Variants in CEP70 observed in about 807,000 individuals in gnomAD.
The protein encoded by CEP70 is centrosomal protein of 70 kDa.
CEP70 carries 70 observed loss-of-function variants against 90.9 expected under a neutral mutation model. That is an observed-to-expected ratio of 0.77 (90% CI 0.64 to 0.94). The LOEUF is 0.94. Among genes scored for constraint, CEP70 ranks in the 40% least tolerant of loss-of-function variants. The pLI, the probability that CEP70 is intolerant of heterozygous loss-of-function variation, is 0.00. For synonymous variants in CEP70, 220 were observed against 228.3 expected (o/e 0.96, Z 0.33); for missense variants, 648 against 669.0 (o/e 0.97, Z 0.35).
At chr3:138,527,990 T>C (rs962612255) in intron 10 of CEP70, among the ~76,000 whole-genome samples, 2 of 143,190 alleles carry the variant, frequency 1.4e-5, no homozygotes, top group African/African-American at 5.1e-5. Flanking sequence ...CAATTGTAAC[T>C]CAATAAAGCT....
At chr3:138,585,565 A>C (rs556659868) in intron 2 of CEP70, among the ~76,000 whole-genome samples, 43 of 152,332 alleles carry the variant, frequency 2.8e-4, no homozygotes, top group Non-Finnish European at 6.0e-4. Flanking sequence ...AAAGCACAAA[A>C]GACCCAGAAT....
intron 10 of CEP70, among the ~76,000 whole-genome samples, chr3:138,525,787 C>G (rs144595685): frequency 5.9e-5 from 9 of 152,248 alleles, no homozygotes; most frequent in Non-Finnish European, 8.8e-5. Context: ...TGCTGCTAAT[C>G]TGTTACTTGT....
Position 138,500,586 on chromosome 3 carries a change from A to C in CEP70, c.1369-19T>G. 1 of 1,567,094 alleles carries C rather than the reference A, an allele frequency of 6.4e-7. No homozygotes were observed. On this transcript the variant is annotated intron_variant, in intron 14 of 17. Coordinates refer to ENST00000264982, the MANE Select transcript of CEP70 (RefSeq NM_024491.4). ...TGCTGTCCTGTCCAAAAAAGAGGTA[A>C]AAAAGAAAGAGTTCATTATCTTAAA...
At chr3:138,559,053 A>G (rs1205355314) in intron 6 of CEP70, among the ~76,000 whole-genome samples, 2 of 152,258 alleles carry the variant, frequency 1.3e-5, no homozygotes, top group Non-Finnish European at 2.9e-5. Flanking sequence ...AGATTTTAAA[A>G]TAAGTAAATT....
intron 11 of CEP70, among the ~76,000 whole-genome samples, chr3:138,518,893 G>T (rs2036324299): frequency 1.3e-5 from 2 of 152,124 alleles, no homozygotes; most frequent in Non-Finnish European, 2.9e-5. Context: ...CGAGCTAAAG[G>T]AGGAAGTTTG....
chr3:138,516,284 T>C (rs536914374), intron 11 of CEP70, among the ~76,000 whole-genome samples: 2 of 152,310 alleles, frequency 1.3e-5, no homozygotes, highest in South Asian at 2.1e-4. Context: ...TATCAAGGAA[T>C]AGTAGGAAGG....
chr3:138,499,523 G>A (rs1228617052), intron 16 of CEP70, among the ~76,000 whole-genome samples: 1 of 152,184 alleles, frequency 6.6e-6, no homozygotes, highest in Non-Finnish European at 1.5e-5. Context: ...ACAGGCTTAT[G>A]CTGAAGAGTA....
At chr3:138,530,932 ACT>A in intron 8 of CEP70, 2 of 741,564 alleles carry the variant, frequency 2.7e-6, no homozygotes, top group Non-Finnish European at 3.3e-6. Flanking sequence ...ATCCCGAAAA[ACT>A]CCCTCCTTAG....
intron 13 of CEP70, among the ~76,000 whole-genome samples, 173 bp downstream of exon 13, chr3:138,505,122 T>C (rs983336706): frequency 6.6e-6 from 1 of 152,184 alleles, no homozygotes; most frequent in East Asian, 1.9e-4. Context: ...CTAAAATAGA[T>C]ATGTAAGTAG....
At chr3:138,584,000 T>C (rs2041987512) in intron 2 of CEP70, among the ~76,000 whole-genome samples, 2 of 151,928 alleles carry the variant, frequency 1.3e-5, no homozygotes, top group African/African-American at 4.8e-5. Flanking sequence ...GTTGGTTTTT[T>C]GAAAAGATGT....
At chr3:138,577,504 C>T (rs1212005337) in intron 2 of CEP70, among the ~76,000 whole-genome samples, 5 of 151,948 alleles carry the variant, frequency 3.3e-5, no homozygotes, top group African/African-American at 9.7e-5. Context: ...AAAAATTAGC[C>T]GGGTGTGGTG....
At chr3:138,499,352 A>G (rs2034262512) in intron 16 of CEP70, among the ~76,000 whole-genome samples, 1 of 152,186 alleles carries the variant, frequency 6.6e-6, no homozygotes, top group South Asian at 2.1e-4. Flanking sequence ...TAGTCTTTTA[A>G]AAACTCCTCA....
At chr3:138,550,456 C>T (rs1009575955) in intron 6 of CEP70, among the ~76,000 whole-genome samples, 2 of 152,126 alleles carry the variant, frequency 1.3e-5, no homozygotes, top group Admixed American at 6.5e-5. Flanking sequence ...CTCCGCCTCC[C>T]AGGTTCAAGC....
At chr3:138,549,469 C>T (rs1246853137) in intron 6 of CEP70, among the ~76,000 whole-genome samples, 2 of 151,928 alleles carry the variant, frequency 1.3e-5, no homozygotes, top group Admixed American at 6.6e-5. Flanking sequence ...ATCTGCATGA[C>T]ACAGCAGAGG....
intron 2 of CEP70, among the ~76,000 whole-genome samples, chr3:138,591,582 GTT>G (rs2042385996): frequency 6.6e-6 from 1 of 152,176 alleles, no homozygotes; most frequent in Non-Finnish European, 1.5e-5. Flanking sequence ...GATTAGAAGA[GTT>G]AATATAGAAA....
At chr3:138,581,694 C>CAAAAAAAAAAAAAAAAA (rs35064874) in intron 2 of CEP70, among the ~76,000 whole-genome samples, 70 of 79,200 alleles carry the variant, frequency 8.8e-4, no homozygotes, top group Middle Eastern at 7.4e-3. Context: ...AAACTTGTCT[C>CAAAAAAAAAAAAAAAAA]AAAAAAAAAA....
chr3:138,498,162 A>G, intron 16 of CEP70, 52 bp from the exon 17 acceptor site: 1 of 1,307,964 alleles, frequency 7.6e-7, no homozygotes, highest in Non-Finnish European at 1.1e-6. Flanking sequence ...GGGTTCTTGC[A>G]TCTGATTGCA....
At chr3:138,554,000 T>C (rs2039812127) in intron 6 of CEP70, among the ~76,000 whole-genome samples, 1 of 151,916 alleles carries the variant, frequency 6.6e-6, no homozygotes, top group Non-Finnish European at 1.5e-5. Context: ...AGTTCAAGAC[T>C]AGCCTGGCCA....
chr3:138,562,049 G>A (rs1282774307), intron 6 of CEP70, among the ~76,000 whole-genome samples: 7 of 149,774 alleles, frequency 4.7e-5, no homozygotes, highest in African/African-American at 9.8e-5. Context: ...GAAGAACTTC[G>A]TGAAGCATAC....
Sources: allele counts gnomAD v4.1 joint callset (sites outside exome capture counted in the v4.1 genomes callset), GRCh38; gene constraint gnomAD v4.1.1; transcripts MANE v1.5; gene names NCBI Gene and HGNC (gene_info 2026-07-23, HGNC 2026-07-21).